PTPRM: variants seen among roughly 807,000 people sequenced by gnomAD.
PTPRM encodes protein tyrosine phosphatase receptor type M.
A neutral mutation model predicts 186.7 loss-of-function variants in PTPRM; 47 were observed. The ratio of observed to expected loss-of-function variants is 0.25; its 90% CI spans 0.20 to 0.32. The LOEUF (loss-of-function observed/expected upper bound fraction) is 0.32. Among genes scored for constraint, PTPRM ranks in the 10% least tolerant of loss-of-function variants. The pLI is 1.00. For missense variants in PTPRM, 1,494 were observed against 1,865.0 expected, an observed-to-expected ratio of 0.80 and a Z score of 3.66; for synonymous variants, 668 against 674.9, an observed-to-expected ratio of 0.99 and a Z score of 0.16.
chr18:8,263,677 C>A (rs1229151139), intron 19 of PTPRM, among the ~76,000 whole-genome samples: 1 of 152,044 alleles, frequency 6.6e-6, no homozygotes, highest in African/African-American at 2.4e-5. Flanking sequence ...CCCCACACAC[C>A]AACCTCCAGC....
chr18:7,713,966 G>A (rs927152084), intron 1 of PTPRM, among the ~76,000 whole-genome samples: 1 of 151,892 alleles, frequency 6.6e-6, no homozygotes, highest in South Asian at 2.1e-4. Flanking sequence ...AGATTGGTGA[G>A]ATGGAAAATT....
intron 2 of PTPRM, among the ~76,000 whole-genome samples, chr18:7,787,491 C>T (rs1276560044): frequency 6.6e-6 from 1 of 152,216 alleles, no homozygotes; most frequent in African/African-American, 2.4e-5. Context: ...GTGCTATTTT[C>T]AGGCAGAAGC....
intron 23 of PTPRM, among the ~76,000 whole-genome samples, chr18:8,344,446 G>GTATATATATATA (rs1412437272): frequency 5.4e-4 from 9 of 16,620 alleles, no homozygotes; most frequent in South Asian, 3.0e-3. Context: ...GTGTGTGTGT[G>GTATATATATATA]TGTATATATA....
At chr18:8,255,588 A>G (rs943417263) in intron 19 of PTPRM, among the ~76,000 whole-genome samples, 1 of 152,218 alleles carries the variant, frequency 6.6e-6, no homozygotes, top group African/African-American at 2.4e-5. Flanking sequence ...ACTGCCAAAA[A>G]GTGAATACTT....
intron 22 of PTPRM, among the ~76,000 whole-genome samples, chr18:8,323,256 T>C (rs1568745948): frequency 6.6e-6 from 1 of 152,162 alleles, no homozygotes; most frequent in East Asian, 1.9e-4. Context: ...CTGAGCATCC[T>C]TCCTCACTTC....
At chr18:8,404,483 C>T (rs752285404) in intron 32 of PTPRM, 3 of 152,176 alleles carry the variant, frequency 2.0e-5, no homozygotes, top group Admixed American at 6.5e-5. Context: ...GGGCTAGAGA[C>T]TGTTACTTTA....
chr18:7,945,788 C>A (rs2052483326), intron 5 of PTPRM, among the ~76,000 whole-genome samples: 1 of 151,804 alleles, frequency 6.6e-6, no homozygotes, highest in Admixed American at 6.6e-5. Flanking sequence ...TAGTGTGTGC[C>A]CCATAAAAGA....
intron 14 of PTPRM, among the ~76,000 whole-genome samples, chr18:8,188,482 C>T (rs1451180374): frequency 3.9e-5 from 6 of 152,138 alleles, no homozygotes; most frequent in Non-Finnish European, 7.3e-5. Context: ...CCATGATGTC[C>T]GAGAAAATGT....
At chr18:7,857,877 A>G (rs1189843506) in intron 2 of PTPRM, among the ~76,000 whole-genome samples, 1 of 152,034 alleles carries the variant, frequency 6.6e-6, no homozygotes, top group Non-Finnish European at 1.5e-5. Context: ...AGCTGCTGAC[A>G]AAGATAAAGA....
intron 13 of PTPRM, among the ~76,000 whole-genome samples, chr18:8,143,347 T>C (rs1053483881): frequency 6.6e-6 from 1 of 152,018 alleles, no homozygotes; most frequent in African/African-American, 2.4e-5. Context: ...CAGGAGCCAA[T>C]AGAGATAATA....
chr18:8,262,655 C>A (rs1401666156), intron 19 of PTPRM, among the ~76,000 whole-genome samples: 1 of 152,188 alleles, frequency 6.6e-6, no homozygotes, highest in East Asian at 1.9e-4. Flanking sequence ...ACAACCATTC[C>A]CCCTACAGTC....
intron 2 of PTPRM, among the ~76,000 whole-genome samples, chr18:7,802,524 G>C (rs1468999085): frequency 6.6e-6 from 1 of 152,028 alleles, no homozygotes; most frequent in Non-Finnish European, 1.5e-5. Flanking sequence ...GTTGGCATCA[G>C]CATTTAAGGG....
intron 19 of PTPRM, among the ~76,000 whole-genome samples, chr18:8,278,704 C>G (rs2094866109): frequency 6.6e-6 from 1 of 152,036 alleles, no homozygotes; most frequent in South Asian, 2.1e-4. Flanking sequence ...CCTTGTGAAC[C>G]CAGAATCTAT....
At chr18:8,145,300 A>T (rs2092855993) in intron 14 of PTPRM, among the ~76,000 whole-genome samples, 1 of 152,146 alleles carries the variant, frequency 6.6e-6, no homozygotes, top group Admixed American at 6.5e-5. Flanking sequence ...CTAAAAATGG[A>T]GAGTTCAGCT....
At chr18:7,703,831 T>C (rs188485335) in intron 1 of PTPRM, among the ~76,000 whole-genome samples, 62 of 152,284 alleles carry the variant, frequency 4.1e-4, no homozygotes, top group Middle Eastern at 6.8e-3. Flanking sequence ...ACTGTTACTA[T>C]TTTGAGATAC....
At chr18:7,590,271 TA>T (rs2037090672) in intron 1 of PTPRM, among the ~76,000 whole-genome samples, 2 of 152,206 alleles carry the variant, frequency 1.3e-5, no homozygotes, top group South Asian at 4.1e-4. Flanking sequence ...TCTTTGTATA[TA>T]AGGATATTTA....
chr18:7,779,207 A>G (rs566917379), intron 2 of PTPRM, among the ~76,000 whole-genome samples: 1 of 152,338 alleles, frequency 6.6e-6, no homozygotes, highest in South Asian at 2.1e-4. Flanking sequence ...TCTTACCTCT[A>G]GAAAGGCTGT....
intron 14 of PTPRM, among the ~76,000 whole-genome samples, chr18:8,177,626 C>T (rs576991521): frequency 6.6e-6 from 1 of 152,286 alleles, no homozygotes; most frequent in Admixed American, 6.5e-5. Flanking sequence ...TCAATTCTTG[C>T]CTCCTCAGAA....
chr18:7,736,423 A>T (rs147515273), intron 1 of PTPRM, among the ~76,000 whole-genome samples: 4,198 of 152,156 alleles, frequency 0.028, 78 homozygotes, highest in Non-Finnish European at 0.04. Flanking sequence ...GGGCTCAAGC[A>T]ATTCTCCTGC....
Sources: allele counts gnomAD v4.1 joint callset (sites outside exome capture counted in the v4.1 genomes callset), GRCh38; gene constraint gnomAD v4.1.1; transcripts MANE v1.5; gene names NCBI Gene and HGNC (gene_info 2026-07-23, HGNC 2026-07-21).